The following JAKMIP1 variants were observed in gnomAD, a reference collection of about 807,000 sequenced individuals.
The protein encoded by JAKMIP1 is janus kinase and microtubule-interacting protein 1.
Under a neutral mutation model 113.0 loss-of-function variants are expected in JAKMIP1, and 33 were observed. The ratio of observed to expected loss-of-function variants is 0.29; its 90% confidence interval spans 0.22 to 0.39. JAKMIP1 has a LOEUF of 0.39. JAKMIP1 is among the 10% of genes least tolerant of loss of function. JAKMIP1 has a pLI of 1.00. For missense variants in JAKMIP1, 813 were observed against 1,080.5 expected (o/e 0.75, Z 3.47); for synonymous variants, 480 against 459.9 (o/e 1.04, Z -0.56).
chr4:6,087,488 G>A lies in JAKMIP1; in HGVS notation c.625-1859C>T, dbSNP rs555970681. Reference sequence around the variant, plus strand: ...ATCTCTTCTAGCCCCTAGGTAACACGAGGCTATTTTATTTTAAAAGAAGAC... The same window carrying A: ...ATCTCTTCTAGCCCCTAGGTAACACAAGGCTATTTTATTTTAAAAGAAGAC... On this transcript the variant is annotated intron_variant, in intron 3 of 20. Transcript: ENST00000409021. Among the ~76,000 whole-genome samples the A allele has an allele frequency of 4.6e-5, 7 of 152,066 alleles. No individual in the cohort carries two copies. In the South Asian group the frequency reaches 8.3e-4, roughly 18 times the overall value.
chr4:6,149,163 T>C (rs1033206694), intron 1 of JAKMIP1, among the ~76,000 whole-genome samples: 1 of 152,236 alleles, frequency 6.6e-6, no homozygotes, highest in Non-Finnish European at 1.5e-5. Flanking sequence ...CTGAATGCTT[T>C]GTCGGGTCTT....
chr4:6,052,952 C>T (rs1022147203), intron 13 of JAKMIP1, among the ~76,000 whole-genome samples: 1 of 152,174 alleles, frequency 6.6e-6, no homozygotes, highest in African/African-American at 2.4e-5. Context: ...AAGGTACACA[C>T]GGTCAGTTCT....
In JAKMIP1 at chr4:6,139,075, CA is replaced by C. The variant is rs1560257724; in HGVS notation, c.-147-26079del. On this transcript the variant is annotated intron_variant, in intron 1 of 20. Transcript: ENST00000409021. This position sits in a 1 kb window ranked among gnomAD's most constrained non-coding sequence, Gnocchi z 5.2. ...TTAGAAACACACACACACACACACA[CA>C]CACACACATATACACACACACACAC... Among the ~76,000 whole-genome samples, 6 of 147,232 alleles carry C rather than the reference CA, an allele frequency of 4.1e-5. No homozygotes were observed. The East Asian group carries it at 1.2e-3, about 29-fold the overall frequency.
chr4:6,164,566 C>A (rs1220217154), intron 1 of JAKMIP1, among the ~76,000 whole-genome samples: 1 of 152,142 alleles, frequency 6.6e-6, no homozygotes, highest in Non-Finnish European at 1.5e-5. Context: ...GAGCCTATGG[C>A]TGCTGTAGAT....
intron 1 of JAKMIP1, among the ~76,000 whole-genome samples, chr4:6,125,936 C>CCAT (rs1717465550): frequency 1.5e-5 from 2 of 132,814 alleles, no homozygotes. Context: ...GAAACACACA[C>CCAT]ACACCATACA....
In JAKMIP1 at chr4:6,076,903, A is replaced by G. The variant is rs1719767479; in HGVS notation, c.1302+2036T>C. ...TAGTGTTTTTACTGCAACCTGTCAC[A>G]TGAGGCCAGGTGTGAAATTTCCCTG... On this transcript the variant is annotated intron_variant, in intron 8 of 20. Coordinates refer to ENST00000409021, the MANE Select transcript of JAKMIP1 (RefSeq NM_001099433.2). This position sits in a 1 kb window ranked among gnomAD's most constrained non-coding sequence, Gnocchi z 4.8. Among the ~76,000 whole-genome samples, 1 of 152,196 alleles carries G rather than the reference A, an allele frequency of 6.6e-6. No homozygotes were observed. Among genetic ancestry groups the G allele is most frequent in the Admixed American group, 6.5e-5 (1 of 15,278 alleles).
chr4:6,191,027 C>A (rs368737005), intron 1 of JAKMIP1, among the ~76,000 whole-genome samples: 1 of 152,184 alleles, frequency 6.6e-6, no homozygotes, highest in East Asian at 1.9e-4. Flanking sequence ...CAGCTTTGCC[C>A]ATACTGGGGG....
intron 1 of JAKMIP1, among the ~76,000 whole-genome samples, chr4:6,190,387 T>C (rs1727120748): frequency 6.6e-6 from 1 of 152,192 alleles, no homozygotes; most frequent in Admixed American, 6.5e-5. Flanking sequence ...GCAATTGTAT[T>C]AACAAAGTCC....
chr4:6,049,742 A>C lies in JAKMIP1; in HGVS notation c.1962+77T>G. On this transcript the variant is annotated intron_variant, in intron 15 of 20. Coordinates refer to ENST00000409021, the MANE Select transcript of JAKMIP1 (RefSeq NM_001099433.2). This position sits in a 1 kb window ranked among gnomAD's most constrained non-coding sequence, Gnocchi z 7.0. ...TACATCAGAGAGAAATTAAAAACAAAACAAAACAAAAGTCACACAGAATAC... is the reference window on the plus strand; with the variant it reads ...TACATCAGAGAGAAATTAAAAACAACACAAAACAAAAGTCACACAGAATAC... 1 of 1,134,298 alleles carries C rather than the reference A, an allele frequency of 8.8e-7. No individual in the cohort carries two copies. Among genetic ancestry groups the C allele is most frequent in the Non-Finnish European group, 1.3e-6 (1 of 756,972 alleles). The allele number at this position is 1,134,298 out of a possible 1,614,324, so 70.3% of individuals were successfully genotyped here. A position where few individuals can be genotyped will look rare whatever the true frequency, so the allele number is the denominator to read the frequency against.
rs187704464 is a variant in JAKMIP1 at position 6,142,413 on chromosome 4, C to T, written c.-147-29416G>A. On this transcript the variant is annotated intron_variant, in intron 1 of 20. Coordinates refer to ENST00000409021, the MANE Select transcript of JAKMIP1 (RefSeq NM_001099433.2). This position sits in a 1 kb window ranked among gnomAD's most constrained non-coding sequence, Gnocchi z 5.5. ...CTTCCCGAGTCCAGTGTTTTTTAAACGACTGGTTTTTGCACCTCCAGCCAA... is the reference window on the plus strand; with the variant it reads ...CTTCCCGAGTCCAGTGTTTTTTAAATGACTGGTTTTTGCACCTCCAGCCAA... 1.1e-4 allele frequency among the ~76,000 whole-genome samples: 16 copies of T among 152,294 alleles called. No individual in the cohort carries two copies. Among genetic ancestry groups the T allele is most frequent in the Admixed American group, 5.9e-4 (9 of 15,298 alleles).
chr4:6,119,380 G>T (rs989558804), intron 1 of JAKMIP1, among the ~76,000 whole-genome samples: 1 of 152,044 alleles, frequency 6.6e-6, no homozygotes, highest in East Asian at 1.9e-4. Flanking sequence ...CCCCCCTCTC[G>T]GCTAAATGTA....
rs1466990168 is a variant in JAKMIP1, at chr4:6,169,253, G to T, written c.-148+31000C>A. On this transcript the variant is annotated intron_variant, in intron 1 of 20. Coordinates refer to ENST00000409021, the MANE Select transcript of JAKMIP1 (RefSeq NM_001099433.2). The stretch of plus-strand genomic sequence containing the variant: ...GCTTGTGGCCATATTTGTAAGTAGG[G>T]TTCCTGCAGGTGTCATGAGTTAGGA... Among the ~76,000 whole-genome samples the T allele has an allele frequency of 7.2e-5, 11 of 152,246 alleles. No homozygotes were observed. In the East Asian group the frequency reaches 2.1e-3, roughly 29 times the overall value.
intron 1 of JAKMIP1, among the ~76,000 whole-genome samples, chr4:6,126,384 T>TGCAGAAACACTCACACGCACACACAC (rs1717623998): frequency 8.6e-5 from 1 of 11,594 alleles, no homozygotes; most frequent in African/African-American, 6.8e-4. Flanking sequence ...CAAACACACA[T>TGCAGAAACACTCACACGCACACACAC]CATACAGAAA....
At position 6,187,327 on chromosome 4, in the gene JAKMIP1, T is replaced by C. The variant is rs1726759644; in HGVS notation, c.-148+12926A>G. 6.6e-6 allele frequency among the ~76,000 whole-genome samples: 1 copy of C among 152,252 alleles called. No homozygotes were observed. Among genetic ancestry groups the C allele is most frequent in the East Asian group, 1.9e-4 (1 of 5,206 alleles). The stretch of plus-strand genomic sequence containing the variant: ...CCCCTTAGCTTTCTTATGGTTGCTA[T>C]TTACCTGATATATTTTTTCTCATCC... On this transcript the variant is annotated intron_variant, in intron 1 of 20. Transcript: ENST00000409021. This position sits in a 1 kb window ranked among gnomAD's most constrained non-coding sequence, Gnocchi z 4.2.
At chr4:6,164,714 T>C (rs1402221457) in intron 1 of JAKMIP1, among the ~76,000 whole-genome samples, 2 of 152,170 alleles carry the variant, frequency 1.3e-5, no homozygotes, top group African/African-American at 4.8e-5. Flanking sequence ...TTGGAAGAAG[T>C]TGATTCTAAC....
intron 1 of JAKMIP1, among the ~76,000 whole-genome samples, chr4:6,148,947 C>T (rs1721216587): frequency 1.3e-5 from 2 of 152,170 alleles, no homozygotes; most frequent in Non-Finnish European, 2.9e-5. Flanking sequence ...GGGGAGGAGT[C>T]AAGAAAGACA....
intron 1 of JAKMIP1, among the ~76,000 whole-genome samples, chr4:6,169,526 GCCT>G (rs1724077265): frequency 6.6e-6 from 1 of 151,758 alleles, no homozygotes; most frequent in Non-Finnish European, 1.5e-5. Flanking sequence ...CAGACTTCTG[GCCT>G]CTAGAACTGT....
chr4:6,111,441 G>C (rs1483297419), intron 2 of JAKMIP1, among the ~76,000 whole-genome samples: 2 of 152,200 alleles, frequency 1.3e-5, no homozygotes, highest in African/African-American at 4.8e-5. Flanking sequence ...ACCCAAGTCA[G>C]AAGCAGGCCA....
intron 19 of JAKMIP1, 137 bp downstream of exon 19, chr4:6,035,767 C>T (rs1713338394): frequency 1.4e-6 from 1 of 735,914 alleles, no homozygotes; most frequent in East Asian, 2.8e-5. Context: ...TGAAATCTTG[C>T]TTCTTGGAAA....
Sources: gnomAD v4.1 joint callset for allele counts (sites outside exome capture counted in the v4.1 genomes callset) on GRCh38, gnomAD v4.1.1 for gene constraint, Gnocchi (gnomAD v3.1) non-coding constraint, MANE v1.5 for transcripts, NCBI Gene and HGNC (gene_info 2026-07-23, HGNC 2026-07-21) for gene names.